Variants in RAD51B observed in about 807,000 individuals in gnomAD.
RAD51B encodes RAD51 paralog B, also known as DNA repair protein RAD51 homolog 2.
A neutral mutation model predicts 42.2 loss-of-function variants in RAD51B; 38 were observed. The observed-to-expected ratio is 0.90, with a 90% CI of 0.70 to 1.18. The LOEUF (loss-of-function observed/expected upper bound fraction) is 1.18. RAD51B is among the 50% of genes most tolerant of loss of function. The pLI is 0.00. For synonymous variants in RAD51B, 154 were observed against 145.2 expected, an observed-to-expected ratio of 1.06 and a Z score of -0.43; for missense variants, 373 against 400.7, an observed-to-expected ratio of 0.93 and a Z score of 0.59.
intron 10 of RAD51B, among the ~76,000 whole-genome samples, chr14:68,488,975 T>C (rs1883855987): frequency 1.3e-5 from 2 of 152,108 alleles, no homozygotes; most frequent in African/African-American, 4.8e-5. Context: ...TTTTTTGAGA[T>C]GGAGTTTCAC....
chr14:68,632,298 C>T (rs1402892503), intron 10 of RAD51B, among the ~76,000 whole-genome samples: 2 of 152,100 alleles, frequency 1.3e-5, no homozygotes, highest in Non-Finnish European at 2.9e-5. Flanking sequence ...GTGGGGTGCT[C>T]GCTGAATTCT....
chr14:68,599,746 G>T (rs201886312), downstream of RAD51B, among the ~76,000 whole-genome samples: 14 of 152,274 alleles, frequency 9.2e-5, no homozygotes, highest in East Asian at 2.5e-3. Context: ...ATAAGAAGCT[G>T]GAATGTTCCC....
downstream of RAD51B, among the ~76,000 whole-genome samples, chr14:68,480,503 T>C (rs1883093603): frequency 6.6e-6 from 1 of 152,216 alleles, no homozygotes; most frequent in Admixed American, 6.5e-5. Flanking sequence ...CCACTCATTC[T>C]GGATCTTGCA....
At chr14:68,623,075 G>A (rs1395583064) in intron 10 of RAD51B, among the ~76,000 whole-genome samples, 1 of 152,148 alleles carries the variant, frequency 6.6e-6, no homozygotes, top group African/African-American at 2.4e-5. Flanking sequence ...ATAGCACCAC[G>A]GACCTACCTT....
intron 7 of RAD51B, among the ~76,000 whole-genome samples, chr14:68,223,819 A>G (rs1351315447): frequency 6.6e-6 from 1 of 152,204 alleles, no homozygotes; most frequent in Non-Finnish European, 1.5e-5. Context: ...GGAAAACAAC[A>G]AATAACCCCT....
chr14:68,008,917 GTAAA>G (rs1222682973), intron 7 of RAD51B, among the ~76,000 whole-genome samples: 2 of 152,034 alleles, frequency 1.3e-5, no homozygotes, highest in East Asian at 3.9e-4. Context: ...CCAAGGCCGT[GTAAA>G]TAGTTTGCTG....
chr14:68,039,414 G>A (rs545666478), intron 7 of RAD51B, among the ~76,000 whole-genome samples: 20 of 131,812 alleles, frequency 1.5e-4, no homozygotes, highest in African/African-American at 4.6e-4. Context: ...GTGACAGAGC[G>A]AGACTTCATT....
intron 7 of RAD51B, among the ~76,000 whole-genome samples, chr14:68,264,889 G>C (rs1284048103): frequency 6.6e-6 from 1 of 152,180 alleles, no homozygotes; most frequent in African/African-American, 2.4e-5. Flanking sequence ...AGGGAAATGT[G>C]TGGAGGCTGC....
chr14:68,672,941 G>A (rs1057413694), intron 11 of RAD51B, among the ~76,000 whole-genome samples: 1 of 152,196 alleles, frequency 6.6e-6, no homozygotes, highest in Admixed American at 6.5e-5. Flanking sequence ...AGTACCTCAT[G>A]CATAGGAATT....
chr14:68,652,146 G>A (rs942849420), intron 11 of RAD51B, among the ~76,000 whole-genome samples: 3 of 152,110 alleles, frequency 2.0e-5, no homozygotes, highest in Non-Finnish European at 2.9e-5. Context: ...CTCCCAACAC[G>A]ACGCCAACTT....
At chr14:68,053,385 A>G (rs527317019) in intron 7 of RAD51B, among the ~76,000 whole-genome samples, 1 of 152,274 alleles carries the variant, frequency 6.6e-6, no homozygotes, top group East Asian at 1.9e-4. Context: ...TATTCTTTGG[A>G]ATGAAAAAAT....
chr14:68,312,664 C>G (rs2081985942), intron 8 of RAD51B, among the ~76,000 whole-genome samples: 1 of 152,178 alleles, frequency 6.6e-6, no homozygotes. Context: ...ATAGATTTTA[C>G]CAGCATAATT....
intron 10 of RAD51B, among the ~76,000 whole-genome samples, chr14:68,506,710 G>T (rs1341102548): frequency 6.6e-6 from 1 of 152,170 alleles, no homozygotes; most frequent in Non-Finnish European, 1.5e-5. Context: ...CGGGTGGGGG[G>T]GACAAAGGAG....
intron 8 of RAD51B, among the ~76,000 whole-genome samples, chr14:68,390,357 C>T (rs2083711615): frequency 7.2e-5 from 11 of 152,328 alleles, no homozygotes; most frequent in Admixed American, 7.2e-4. Flanking sequence ...TTTTGGTTTA[C>T]TTGCTAAATA....
chr14:68,516,626 T>C (rs1341566316), intron 10 of RAD51B, among the ~76,000 whole-genome samples: 1 of 152,224 alleles, frequency 6.6e-6, no homozygotes, highest in East Asian at 1.9e-4. Flanking sequence ...CTAAGGTTAG[T>C]TGCAATGTGG....
At chr14:68,143,528 TG>T (rs1483623430) in intron 7 of RAD51B, among the ~76,000 whole-genome samples, 1 of 152,262 alleles carries the variant, frequency 6.6e-6, no homozygotes, top group Non-Finnish European at 1.5e-5. Flanking sequence ...TGAGAAATGC[TG>T]TGCTTGCCAA....
intron 10 of RAD51B, among the ~76,000 whole-genome samples, chr14:68,593,020 A>T (rs531653303): frequency 6.6e-6 from 1 of 152,308 alleles, no homozygotes; most frequent in South Asian, 2.1e-4. Context: ...CCAGGTCTCT[A>T]GAGAAGGAAC....
intron 8 of RAD51B, among the ~76,000 whole-genome samples, chr14:68,369,839 A>G (rs2083217047): frequency 6.6e-6 from 1 of 152,122 alleles, no homozygotes; most frequent in African/African-American, 2.4e-5. Context: ...CTATATATCT[A>G]TATCTGTCTA....
chr14:68,104,944 T>C (rs547770608), intron 7 of RAD51B, among the ~76,000 whole-genome samples: 2 of 152,230 alleles, frequency 1.3e-5, no homozygotes, highest in African/African-American at 4.8e-5. Flanking sequence ...GTTTATACTT[T>C]ACTAGTTTTC....
Sources: allele counts gnomAD v4.1 joint callset (sites outside exome capture counted in the v4.1 genomes callset), GRCh38; gene constraint gnomAD v4.1.1; transcripts MANE v1.5; gene names NCBI Gene and HGNC (gene_info 2026-07-23, HGNC 2026-07-21).